ADAMTS6: variants seen among roughly 807,000 people sequenced by gnomAD.
ADAMTS6 encodes the protein A disintegrin and metalloproteinase with thrombospondin motifs 6.
In ADAMTS6, 23 loss-of-function variants were observed where a neutral mutation model predicts 144.3. The observed-to-expected ratio is 0.16, with a 90% CI of 0.11 to 0.23. ADAMTS6 has a LOEUF of 0.23. ADAMTS6 is among the 10% of genes least tolerant of loss of function. The pLI, the probability that ADAMTS6 is intolerant of heterozygous loss-of-function variation, is 1.00. For missense variants in ADAMTS6, 999 were observed against 1,379.6 expected (o/e 0.72, Z 4.37); for synonymous variants, 444 against 457.5 (o/e 0.97, Z 0.38).
intron 11 of ADAMTS6, among the ~76,000 whole-genome samples, chr5:65,276,688 A>G (rs1762572428): frequency 1.3e-5 from 2 of 152,232 alleles, no homozygotes; most frequent in African/African-American, 4.8e-5. Flanking sequence ...CATGCATATT[A>G]GTTGCTGAAT....
chr5:65,330,854 G>A (rs1453301456), intron 8 of ADAMTS6, among the ~76,000 whole-genome samples: 1 of 151,862 alleles, frequency 6.6e-6, no homozygotes, highest in African/African-American at 2.4e-5. Flanking sequence ...TAGAGGTATT[G>A]GGACCTGAAA....
At chr5:65,450,901 G>T (rs1021226832) in intron 7 of ADAMTS6, among the ~76,000 whole-genome samples, 6 of 151,992 alleles carry the variant, frequency 3.9e-5, no homozygotes, top group Admixed American at 3.3e-4. Context: ...GAATTCAATG[G>T]GTTATCACCA....
intron 14 of ADAMTS6, among the ~76,000 whole-genome samples, chr5:65,257,547 C>A (rs1024086834): frequency 4.6e-5 from 7 of 152,162 alleles, no homozygotes; most frequent in African/African-American, 1.4e-4. Context: ...TTACCAATAT[C>A]CTTACGTTTT....
At chr5:65,325,844 CAATCAT>C (rs1201151854) in intron 9 of ADAMTS6, among the ~76,000 whole-genome samples, 2 of 152,060 alleles carry the variant, frequency 1.3e-5, no homozygotes, top group Non-Finnish European at 2.9e-5. Flanking sequence ...AAAGTTCACT[CAATCAT>C]GATTAATAAA....
intron 15 of ADAMTS6, among the ~76,000 whole-genome samples, chr5:65,231,707 C>A (rs1328707806): frequency 6.6e-6 from 1 of 152,046 alleles, no homozygotes; most frequent in East Asian, 1.9e-4. Flanking sequence ...AACTACAAAT[C>A]AGTTACAAAA....
chr5:65,195,582 C>G (rs1200682735), intron 21 of ADAMTS6, among the ~76,000 whole-genome samples: 2 of 152,286 alleles, frequency 1.3e-5, no homozygotes, highest in South Asian at 4.1e-4. Flanking sequence ...TGCTTTGGAA[C>G]AAGAAATGCA....
chr5:65,159,019 C>G (rs570405924), intron 24 of ADAMTS6, among the ~76,000 whole-genome samples: 13 of 152,228 alleles, frequency 8.5e-5, no homozygotes, highest in Non-Finnish European at 1.8e-4. Flanking sequence ...TGCCTGAATT[C>G]CTTCATGATT....
chr5:65,254,940 T>C (rs910217563), intron 14 of ADAMTS6, among the ~76,000 whole-genome samples: 44 of 152,328 alleles, frequency 2.9e-4, no homozygotes, highest in African/African-American at 8.7e-4. Flanking sequence ...TACATAGTAG[T>C]GCTCAGTAAA....
intron 7 of ADAMTS6, among the ~76,000 whole-genome samples, chr5:65,392,083 A>T (rs1296273804): frequency 6.6e-6 from 1 of 152,134 alleles, no homozygotes; most frequent in Non-Finnish European, 1.5e-5. Flanking sequence ...TCTTTTAATA[A>T]AAAATTCCTC....
intron 7 of ADAMTS6, among the ~76,000 whole-genome samples, chr5:65,423,149 G>A (rs993744445): frequency 3.3e-5 from 5 of 152,170 alleles, no homozygotes; most frequent in African/African-American, 9.7e-5. Flanking sequence ...GTGCTATAAT[G>A]GATACTGGAG....
At chr5:65,287,857 C>T (rs1415487602) in intron 11 of ADAMTS6, among the ~76,000 whole-genome samples, 3 of 152,026 alleles carry the variant, frequency 2.0e-5, no homozygotes, top group Non-Finnish European at 4.4e-5. Context: ...TCAACTCAAT[C>T]TGAAGTAGCT....
At position 65,242,099 on chromosome 5, in the gene ADAMTS6, A is replaced by C; in HGVS notation, c.1933+5T>G. On this transcript the variant is annotated splice_donor_5th_base_variant and intron_variant, in intron 15 of 24. Coordinates refer to ENST00000381055, the MANE Select transcript of ADAMTS6 (RefSeq NM_197941.4). ...GCATGAATGCTCTGTCAGGTTATACATTACCTCCAGTATAGGGTTTCCAGT... is the reference window on the plus strand; with the variant it reads ...GCATGAATGCTCTGTCAGGTTATACCTTACCTCCAGTATAGGGTTTCCAGT... The C allele has an allele frequency of 6.4e-7, 1 of 1,570,350 alleles. No individual in the cohort carries two copies. The highest frequency in any genetic ancestry group is 8.7e-7 in the Non-Finnish European group (1 of 1,151,970).
intron 7 of ADAMTS6, among the ~76,000 whole-genome samples, chr5:65,354,618 C>T (rs564999394): frequency 4.3e-4 from 65 of 151,772 alleles, no homozygotes; most frequent in African/African-American, 1.5e-3. Context: ...ATACTACTAA[C>T]TTTATTCTTC....
chr5:65,214,800 C>T lies in ADAMTS6; in HGVS notation c.2569G>A (p.Ala857Thr), dbSNP rs773959312. The T allele has an allele frequency of 1.2e-6, 2 of 1,614,102 alleles. No homozygotes were observed. Among genetic ancestry groups the T allele is most frequent in the South Asian group, 2.2e-5 (2 of 91,082 alleles). The change falls in exon 20 of 25, where the codon GCT (alanine) becomes ACT (threonine). Residue 857 changes from alanine to threonine, a missense_variant. This residue lies in a region of ADAMTS6 where 619 missense variants were observed against 837.0 expected (regional missense o/e 0.74). Transcript: ENST00000381055. The surrounding 1 kb of genome is among the most constrained non-coding windows in gnomAD (Gnocchi z 4.6). ...QPWSECSATCAGGVQRQEVVC... is the reference protein window; with the variant it reads ...QPWSECSATCTGGVQRQEVVC... The stretch of plus-strand genomic sequence containing the variant: ...TGCCTAGTGGGCATCTTACCTCCAG[C>T]ACAAGTAGCTGAGCATTCTGACCAA...
At chr5:65,426,786 G>A (rs1332352919) in intron 7 of ADAMTS6, among the ~76,000 whole-genome samples, 1 of 151,678 alleles carries the variant, frequency 6.6e-6, no homozygotes, top group Non-Finnish European at 1.5e-5. Flanking sequence ...TGTCAAAAGA[G>A]ACCCAGGAGA....
intron 7 of ADAMTS6, among the ~76,000 whole-genome samples, chr5:65,385,906 T>C (rs1182999069): frequency 6.6e-6 from 1 of 152,208 alleles, no homozygotes; most frequent in African/African-American, 2.4e-5. Flanking sequence ...CATTACAATT[T>C]ACCACTGCTT....
intron 20 of ADAMTS6, among the ~76,000 whole-genome samples, chr5:65,208,663 T>TG (rs1756286931): frequency 6.6e-6 from 1 of 152,200 alleles, no homozygotes; most frequent in Non-Finnish European, 1.5e-5. Context: ...GCCTATCTTA[T>TG]GGAGCTACTG....
intron 5 of ADAMTS6, 32 bp from the exon 6 acceptor site, chr5:65,452,248 G>A (rs1483489076): frequency 2.5e-6 from 4 of 1,591,900 alleles, no homozygotes; most frequent in Non-Finnish European, 3.4e-6. Flanking sequence ...AAGACACAAA[G>A]TCAGACAAAA....
chr5:65,311,973 T>C (rs1026839625), intron 9 of ADAMTS6, among the ~76,000 whole-genome samples: 19 of 152,062 alleles, frequency 1.2e-4, no homozygotes, highest in Non-Finnish European at 2.4e-4. Flanking sequence ...ATCATTGTTT[T>C]TGTTAGATAA....
Sources: gnomAD v4.1 joint callset for allele counts (sites outside exome capture counted in the v4.1 genomes callset) on GRCh38, gnomAD v4.1.1 for gene constraint, gnomAD v4.1.1 regional missense constraint, Gnocchi (gnomAD v3.1) non-coding constraint, MANE v1.5 for transcripts, NCBI Gene and HGNC (gene_info 2026-07-23, HGNC 2026-07-21) for gene names.